The following RYR3 variants were observed in gnomAD, a reference collection of about 807,000 sequenced individuals.
RYR3 encodes ryanodine receptor 3, also known as brain ryanodine receptor-calcium release channel.
Under a neutral mutation model 584.3 loss-of-function variants are expected in RYR3, and 207 were observed. The ratio of observed to expected loss-of-function variants is 0.35; its 90% CI spans 0.32 to 0.40. RYR3 has a LOEUF of 0.40. Ranked by LOEUF, RYR3 falls within the 10% of genes least tolerant of loss-of-function variation. RYR3 has a pLI of 1.00. For missense variants in RYR3, 5,616 were observed against 6,089.2 expected (o/e 0.92, Z 2.59); for synonymous variants, 2,416 against 2,248.5 (o/e 1.07, Z -2.11).
intron 3 of RYR3, among the ~76,000 whole-genome samples, chr15:33,523,887 T>C (rs2054197884): frequency 6.6e-6 from 1 of 152,078 alleles, no homozygotes; most frequent in African/African-American, 2.4e-5. Flanking sequence ...GCTGCCTCTC[T>C]AGCGTTTCCG....
At position 33,838,958 on chromosome 15, in the gene RYR3, G is replaced by A; in HGVS notation, c.12978G>A (p.Gln4326=). 1 of 1,599,720 alleles carries A rather than the reference G, an allele frequency of 6.3e-7. No individual in the cohort carries two copies. The highest frequency in any genetic ancestry group is 2.2e-5 in the East Asian group (1 of 44,762). ...ESTVQKKRKA[Q]AAEMKAANEA... is the part of the protein sequence containing the mutation. ...CTGTACAGAAGAAGAGGAAAGCTCA[G>A]GTAAGTGTCATTTGTTTCTTTCATC... is the stretch of plus-strand genomic sequence containing the variant. The change falls in exon 89 of 104, where the codon CAG becomes CAA. Residue 4326 remains glutamine, a splice_region_variant and synonymous_variant. Coordinates refer to ENST00000634891, the MANE Select transcript of RYR3 (RefSeq NM_001036.6).
rs371829046 is a variant in RYR3 at position 33,646,568 on chromosome 15, C to G, written c.3941+42C>G. 9 of 1,553,748 alleles carry G rather than the reference C, an allele frequency of 5.8e-6. No homozygotes were observed. The African/African-American group carries it at 1.1e-4, about 19-fold the overall frequency. On this transcript the variant is annotated intron_variant, in intron 29 of 103. Coordinates refer to ENST00000634891, the MANE Select transcript of RYR3 (RefSeq NM_001036.6). ...CAGTTCTCAGAGGCACTCATTGTAT[C>G]TCCTGTAAAGTGGGCTTTCTGCTTT...
rs1491296584 is a variant in RYR3, at chr15:33,664,614, T to TATATATAC, written c.5619+878_5619+879insTATATACA. On this transcript the variant is annotated intron_variant, in intron 36 of 103. Coordinates refer to ENST00000634891, the MANE Select transcript of RYR3 (RefSeq NM_001036.6). ...GTATATATATATATATATATATATA[T>TATATATAC]ACGTATGTATACATCTGCGAGGGAG... Among the ~76,000 whole-genome samples, 83 of 120,542 alleles carry TATATATAC rather than the reference T, an allele frequency of 6.9e-4. 3 individuals carry two copies. The highest frequency in any genetic ancestry group is 9.0e-4 in the Non-Finnish European group (52 of 57,584). 79.1% of individuals were successfully genotyped at this position (120,542 alleles called of 152,430 possible). A position where few individuals can be genotyped will look rare whatever the true frequency, so the allele number is the denominator to read the frequency against.
rs558975359 is a variant in RYR3 at position 33,864,032 on chromosome 15, A to ATAGCGTGGGACCAAC, written c.14466-101_14466-87dup. On this transcript the variant is annotated intron_variant, in intron 102 of 103. Transcript: ENST00000634891. The stretch of plus-strand genomic sequence containing the variant: ...TCCCTGATCATTTAAGTCACTGTAG[A>ATAGCGTGGGACCAAC]TAGCGTGGGACCAACTAGCCTTTCT... The ATAGCGTGGGACCAAC allele has an allele frequency of 8.5e-4, 624 of 733,760 alleles. 3 individuals are homozygous for ATAGCGTGGGACCAAC. The African/African-American group carries it at 0.01, about 12-fold the overall frequency. The allele number at this position is 733,760 out of a possible 1,614,324, so 45.5% of individuals were successfully genotyped here. A position where few individuals can be genotyped will look rare whatever the true frequency, so the allele number is the denominator to read the frequency against.
intron 6 of RYR3, among the ~76,000 whole-genome samples, chr15:33,539,840 T>C (rs116539673): frequency 1.1e-3 from 175 of 152,220 alleles, no homozygotes; most frequent in African/African-American, 4.0e-3. Context: ...ATATATACTG[T>C]CTATTAAGTA....
intron 1 of RYR3, among the ~76,000 whole-genome samples, chr15:33,377,770 T>A (rs1407175413): frequency 6.6e-6 from 1 of 152,152 alleles, no homozygotes; most frequent in Non-Finnish European, 1.5e-5. Context: ...AGAATTTTTT[T>A]AAAAACGTAA....
At position 33,861,104 on chromosome 15, in the gene RYR3, C is replaced by T. The variant is rs1158523988; in HGVS notation, c.14391C>T (p.Gly4797=). 6.3e-7 allele frequency: 1 copy of T among 1,594,808 alleles called. No individual in the cohort carries two copies. Among genetic ancestry groups the T allele is most frequent in the East Asian group, 2.2e-5 (1 of 44,504 alleles). ...CTAAATGTTTCATCTGTGGGATTGG[C>T]AATGACTACTTTGACACAACCCCTC... is the stretch of plus-strand genomic sequence containing the variant. ...METKCFICGI[G]NDYFDTTPHG... Residue 4797 remains glycine, a synonymous_variant, in exon 102 of 104, where the codon GGC becomes GGT. Coordinates refer to ENST00000634891, the MANE Select transcript of RYR3 (RefSeq NM_001036.6).
intron 1 of RYR3, among the ~76,000 whole-genome samples, chr15:33,392,636 C>G (rs796923399): frequency 2.3e-4 from 35 of 152,218 alleles, no homozygotes; most frequent in African/African-American, 8.4e-4. Flanking sequence ...CCACTTCCAG[C>G]CTTTGCCACT....
At chr15:33,640,038 G>A (rs546279007) in intron 27 of RYR3, among the ~76,000 whole-genome samples, 68 of 145,164 alleles carry the variant, frequency 4.7e-4, no homozygotes, top group African/African-American at 1.7e-3. Context: ...TCTCTGCCAG[G>A]CACTCCCCTG....
chr15:33,392,114 A>C (rs1005350555), intron 1 of RYR3, among the ~76,000 whole-genome samples: 12 of 151,654 alleles, frequency 7.9e-5, no homozygotes, highest in Admixed American at 3.3e-4. Flanking sequence ...TTTGATCGTA[A>C]ATTTGCTGAA....
At chr15:33,861,309 C>G (rs1362082228) in intron 102 of RYR3, 131 bp downstream of exon 102, 2 of 604,120 alleles carry the variant, frequency 3.3e-6, no homozygotes, top group Admixed American at 2.6e-5. Context: ...TGAGCCTGTA[C>G]CTTTGTCCAT....
chr15:33,623,706 A>T, intron 19 of RYR3, 101 bp from the exon 20 acceptor site: 1 of 811,184 alleles, frequency 1.2e-6, no homozygotes, highest in Non-Finnish European at 2.0e-6. Flanking sequence ...CAACAAAATT[A>T]TGTTGAGGGT....
rs747567923 is a variant in RYR3, at chr15:33,788,258, G to C, written c.9630G>C (p.Leu3210=). 4.3e-6 allele frequency: 7 copies of C among 1,613,862 alleles called. No homozygotes were observed. The highest frequency in any genetic ancestry group is 1.3e-5 in the African/African-American group (1 of 74,926). ...QPIISKARPD[L]LRSHFIPTLE... ...TCATCAGCAAAGCCAGGCCCGACCT[G>C]CTGAGAAGCCACTTCATCCCAACTC... The change falls in exon 67 of 104, where the codon CTG becomes CTC. Residue 3210 remains leucine, a synonymous_variant. Transcript: ENST00000634891.
intron 1 of RYR3, among the ~76,000 whole-genome samples, chr15:33,356,081 T>C (rs560830804): frequency 1.9e-4 from 29 of 152,280 alleles, no homozygotes; most frequent in African/African-American, 6.5e-4. Context: ...ACTGTGAGTA[T>C]AGATTTGTGA....
At chr15:33,345,654 G>T (rs557509463) in intron 1 of RYR3, among the ~76,000 whole-genome samples, 1 of 152,246 alleles carries the variant, frequency 6.6e-6, no homozygotes, top group South Asian at 2.1e-4. Flanking sequence ...GTCCAGCCTG[G>T]GTCCCAGCAG....
At chr15:33,762,819 A>G (rs948708123) in intron 60 of RYR3, among the ~76,000 whole-genome samples, 15 of 152,322 alleles carry the variant, frequency 9.8e-5, no homozygotes, top group South Asian at 4.1e-4. Context: ...AGACAATCCT[A>G]AGGAAAAAGA....
chr15:33,597,945 T>C (rs1422198206), intron 16 of RYR3, among the ~76,000 whole-genome samples: 1 of 151,666 alleles, frequency 6.6e-6, no homozygotes, highest in Non-Finnish European at 1.5e-5. Flanking sequence ...AGATTCTTGA[T>C]AACCTGTTTC....
intron 1 of RYR3, among the ~76,000 whole-genome samples, chr15:33,352,144 C>T (rs567931752): frequency 2.0e-5 from 3 of 152,094 alleles, no homozygotes; most frequent in South Asian, 2.1e-4. Context: ...ATCTTTTGCC[C>T]GTTTTTAAAT....
At chr15:33,716,662 A>T (rs2067514058) in intron 43 of RYR3, among the ~76,000 whole-genome samples, 1 of 152,236 alleles carries the variant, frequency 6.6e-6, no homozygotes, top group Non-Finnish European at 1.5e-5. Flanking sequence ...GATATCAGCT[A>T]CATTCTTTTC....
Sources: gnomAD v4.1 joint callset for allele counts (sites outside exome capture counted in the v4.1 genomes callset) on GRCh38, gnomAD v4.1.1 for gene constraint, MANE v1.5 for transcripts, NCBI Gene and HGNC (gene_info 2026-07-23, HGNC 2026-07-21) for gene names.